Variants in XKR9 observed in about 807,000 individuals in gnomAD.
XKR9 encodes the protein XK related 9.
XKR9 carries 32 observed loss-of-function variants against 32.0 expected under a neutral mutation model. That is an observed-to-expected ratio of 1.00 (90% CI 0.76 to 1.34). The LOEUF is 1.34. Among genes scored for constraint, XKR9 ranks in the 40% most tolerant of loss-of-function variants. XKR9 has a pLI of 0.00. For synonymous variants in XKR9, 168 were observed against 143.4 expected (o/e 1.17, Z -1.22); for missense variants, 546 against 429.7 (o/e 1.27, Z -2.39).
Position 70,735,476 on chromosome 8 carries a change from A to C in XKR9, c.*1052A>C, listed in dbSNP as rs900211984. 2.0e-5 allele frequency: 3 copies of C among 150,458 alleles called. No individual in the cohort carries two copies. Among genetic ancestry groups the C allele is most frequent in the Non-Finnish European group, 4.4e-5 (3 of 67,632 alleles). 9.3% of individuals were successfully genotyped at this position (150,458 alleles called of 1,614,324 possible). On this transcript the variant is annotated 3_prime_UTR_variant, in exon 5 of 5. Coordinates refer to ENST00000408926, the MANE Select transcript of XKR9 (RefSeq NM_001011720.2). ...TTAATTTTATATTATTATTATTATT[A>C]TTATACTTTAAGGTTTAGGGTACAT...
chr8:70,889,849 T>A, the XKR9 span, among the ~76,000 whole-genome samples: 1 of 152,050 alleles, frequency 6.6e-6, no homozygotes, highest in Non-Finnish European at 1.5e-5. Flanking sequence ...ATTCCACGTC[T>A]TTGCTATTGT....
chr8:70,967,581 C>G, the XKR9 span, among the ~76,000 whole-genome samples: 1 of 152,020 alleles, frequency 6.6e-6, no homozygotes, highest in Non-Finnish European at 1.5e-5. Flanking sequence ...ACCAGTTTTT[C>G]CTTTTTATAT....
chr8:70,920,142 C>T, the XKR9 span, among the ~76,000 whole-genome samples: 1 of 152,180 alleles, frequency 6.6e-6, no homozygotes. Context: ...AGATTATCTA[C>T]ACCTTAATAA....
chr8:70,968,641 T>A, the XKR9 span, among the ~76,000 whole-genome samples: 2 of 152,152 alleles, frequency 1.3e-5, no homozygotes, highest in African/African-American at 4.8e-5. Flanking sequence ...TTTTTGTTGA[T>A]GTTGTTGTTG....
the XKR9 span, among the ~76,000 whole-genome samples, chr8:70,908,434 T>C: frequency 2.0e-5 from 3 of 151,998 alleles, no homozygotes; most frequent in Admixed American, 1.3e-4. Flanking sequence ...CACCAGGGAG[T>C]TTTTAAAAAA....
the XKR9 span, among the ~76,000 whole-genome samples, chr8:70,863,458 A>C: frequency 6.6e-6 from 1 of 152,164 alleles, no homozygotes; most frequent in Non-Finnish European, 1.5e-5. Flanking sequence ...TATACAGGTA[A>C]TTCCCCATTT....
chr8:70,688,375 C>T (rs116011152), intron 3 of XKR9, among the ~76,000 whole-genome samples: 2,860 of 151,798 alleles, frequency 0.019, 78 homozygotes, highest in African/African-American at 0.066. Context: ...ACCACAAGGG[C>T]GATAAACGAG....
At chr8:70,735,976 C>G (rs565351774), downstream of XKR9, 18 of 152,162 alleles carry the variant, frequency 1.2e-4, no homozygotes, top group South Asian at 3.5e-3. Context: ...TGGGTATATA[C>G]CCAGTAATGG....
At chr8:70,752,982 A>G (rs1351473595) in intron 2 of XKR9, among the ~76,000 whole-genome samples, 6 of 151,948 alleles carry the variant, frequency 3.9e-5, no homozygotes, top group East Asian at 1.9e-4. Context: ...CCAGGAGCTG[A>G]TTTTTTGAAA....
the XKR9 span, among the ~76,000 whole-genome samples, chr8:70,934,563 A>G: frequency 6.6e-6 from 1 of 152,070 alleles, no homozygotes; most frequent in Non-Finnish European, 1.5e-5. Flanking sequence ...TCCACTTAAA[A>G]GAAGATAAAA....
chr8:70,851,460 AC>A, the XKR9 span, among the ~76,000 whole-genome samples: 2 of 152,158 alleles, frequency 1.3e-5, no homozygotes, highest in Non-Finnish European at 2.9e-5. Flanking sequence ...ACCAAAAAAG[AC>A]CCCGTATAGC....
At chr8:70,790,864 G>A (rs1338134950), downstream of XKR9, among the ~76,000 whole-genome samples, 1 of 152,030 alleles carries the variant, frequency 6.6e-6, no homozygotes, top group African/African-American at 2.4e-5. Context: ...CAAGGTGCTG[G>A]CAGATTTGGT....
intron 4 of XKR9, among the ~76,000 whole-genome samples, chr8:70,721,735 T>C (rs1289144087): frequency 6.6e-6 from 1 of 152,164 alleles, no homozygotes; most frequent in Non-Finnish European, 1.5e-5. Context: ...TGTTGTCGAT[T>C]TTAGAATAAG....
intron 4 of XKR9, among the ~76,000 whole-genome samples, chr8:70,707,401 A>G (rs1049396783): frequency 5.9e-5 from 9 of 152,030 alleles, no homozygotes; most frequent in African/African-American, 2.2e-4. Context: ...TTAAAAGCAT[A>G]TGTCCTTTTT....
the XKR9 span, among the ~76,000 whole-genome samples, chr8:71,017,595 A>C: frequency 2.0e-5 from 3 of 152,202 alleles, no homozygotes; most frequent in Admixed American, 6.5e-5. Flanking sequence ...AGGGGTGTTG[A>C]TGGTTTAGCA....
chr8:70,927,825 C>A, the XKR9 span, among the ~76,000 whole-genome samples: 1 of 152,122 alleles, frequency 6.6e-6, no homozygotes, highest in Non-Finnish European at 1.5e-5. Context: ...TGTTTCTATC[C>A]TGATTGCCTA....
the XKR9 span, among the ~76,000 whole-genome samples, chr8:71,059,808 T>C: frequency 1.3e-5 from 2 of 152,184 alleles, no homozygotes; most frequent in Non-Finnish European, 1.5e-5. Context: ...ATCGTTCCTG[T>C]GGTCTCCATT....
the XKR9 span, among the ~76,000 whole-genome samples, chr8:71,043,386 C>G: frequency 6.6e-6 from 1 of 152,140 alleles, no homozygotes; most frequent in African/African-American, 2.4e-5. Context: ...GGAGATATTG[C>G]AAGTCCTTCT....
chr8:70,814,786 T>A, the XKR9 span, among the ~76,000 whole-genome samples: 7 of 152,168 alleles, frequency 4.6e-5, no homozygotes, highest in Non-Finnish European at 1.0e-4. Flanking sequence ...GTATCCAAAG[T>A]GGGAAAGAAT....
Sources: gnomAD v4.1 joint callset for allele counts (sites outside exome capture counted in the v4.1 genomes callset) on GRCh38, gnomAD v4.1.1 for gene constraint, MANE v1.5 for transcripts, NCBI Gene and HGNC (gene_info 2026-07-23, HGNC 2026-07-21) for gene names.